The following DGKQ variants were observed in gnomAD, a reference collection of about 807,000 sequenced individuals.
DGKQ encodes diacylglycerol kinase theta, also known as DAG kinase theta.
DGKQ carries 97 observed loss-of-function variants against 104.2 expected under a neutral mutation model. The observed-to-expected ratio is 0.93, with a 90% CI of 0.79 to 1.10. DGKQ has a LOEUF of 1.10. Ranked by LOEUF, DGKQ falls within the 50% of genes least tolerant of loss-of-function variation. The probability of loss-of-function intolerance (pLI) is 0.00; values close to 1 mark genes in which losing one functional copy is unlikely to be tolerated. For missense variants in DGKQ, 1,465 were observed against 1,352.1 expected, an observed-to-expected ratio of 1.08 and a Z score of -1.31; for synonymous variants, 736 against 595.2, an observed-to-expected ratio of 1.24 and a Z score of -3.44.
At chr4:967,382 G>A (rs1712472522) in intron 8 of DGKQ, 21 bp from the exon 9 acceptor site, 13 of 1,516,344 alleles carry the variant, frequency 8.6e-6, no homozygotes, top group African/African-American at 6.9e-5. Context: ...CCAGGTTAGA[G>A]GGGCCAAGTT....
At chr4:970,693 C>T (rs1228024896) in intron 2 of DGKQ, among the ~76,000 whole-genome samples, 4 of 152,306 alleles carry the variant, frequency 2.6e-5, no homozygotes, top group Non-Finnish European at 2.9e-5. Flanking sequence ...GTCACAGCCA[C>T]GCCCACTTCT....
At chr4:968,777 A>C (rs893170442) in intron 3 of DGKQ, 34 bp downstream of exon 3, 2 of 1,572,084 alleles carry the variant, frequency 1.3e-6, no homozygotes, top group Non-Finnish European at 1.7e-6. Flanking sequence ...AGAGACCAGG[A>C]CACTGGGTGG....
chr4:967,266 A>C lies in DGKQ; in HGVS notation c.1083T>G (p.Ala361=). The change falls in exon 9 of 23, where the codon GCT becomes GCG. Residue 361 remains alanine (A), a synonymous_variant. Transcript: ENST00000273814. The part of the protein sequence containing the change: ...PPSSQACDAW[A]GGKAGSAVIS... ...TCACAGCACTCCCAGCCTTGCCCCC[A>C]GCCCAGGCGTCACAGGCCTGAGAGG... is the stretch of plus-strand genomic sequence containing the variant. 1.9e-6 allele frequency: 3 copies of C among 1,554,356 alleles called. No individual in the cohort carries two copies. Among genetic ancestry groups the C allele is most frequent in the South Asian group, 2.3e-5 (2 of 85,126 alleles).
At chr4:967,079 A>C in intron 9 of DGKQ, 25 bp from the exon 10 acceptor site, 1 of 1,543,440 alleles carries the variant, frequency 6.5e-7, no homozygotes, top group Non-Finnish European at 8.8e-7. Flanking sequence ...TCTGAGCTGG[A>C]GCTCCCCCCA....
In DGKQ at chr4:968,825, G is replaced by A. The variant is rs151196064; in HGVS notation, c.437C>T (p.Ala146Val). ...GCTCCAGGTACCTTCGCAGTGGAGC[G>A]CCGGTGCCTCCAGGACCTTGCGGCA... The part of the protein sequence containing the change: ...AVCRKVLEAP[A>V]LHCEVCELHL... The change falls in exon 3 of 23, where the codon GCG becomes GTG. Residue 146 changes from alanine (A) to valine (V), a missense_variant. Ala to Val is a moderately conservative substitution (Grantham distance 64). Transcript: ENST00000273814. 111 of 1,610,556 alleles carry A rather than the reference G, an allele frequency of 6.9e-5. No homozygotes were observed. Among genetic ancestry groups the A allele is most frequent in the Middle Eastern group, 1.7e-4 (1 of 5,786 alleles).
chr4:963,312 T>C, intron 15 of DGKQ, 22 bp from the exon 16 acceptor site: 3 of 1,587,960 alleles, frequency 1.9e-6, no homozygotes, highest in African/African-American at 1.3e-5. Flanking sequence ...GGGGCTGGGT[T>C]AGGATGGGGA....
chr4:969,739 A>G (rs1342296802), intron 2 of DGKQ, among the ~76,000 whole-genome samples: 1 of 151,346 alleles, frequency 6.6e-6, no homozygotes, highest in Non-Finnish European at 1.5e-5. Context: ...CCTCCCGAGT[A>G]GCTGGGACTA....
Position 973,541 on chromosome 4 carries a change from C to T in DGKQ, c.-59G>A. 1 of 984,200 alleles carries T rather than the reference C, an allele frequency of 1.0e-6. No homozygotes were observed. Among genetic ancestry groups the T allele is most frequent in the Non-Finnish European group, 1.2e-6 (1 of 829,028 alleles). The allele number at this position is 984,200 out of a possible 1,614,324, so 61.0% of individuals were successfully genotyped here. A position where few individuals can be genotyped will look rare whatever the true frequency, so the allele number is the denominator to read the frequency against. On this transcript the variant is annotated 5_prime_UTR_variant, in exon 1 of 23. Transcript: ENST00000273814. ...CGCGCCGGGGGTACAGGAGCCGCCG[C>T]TCCACGGCCCGGTACACTGCTTCCG...
At chr4:963,726 C>T (rs1712069916) in intron 15 of DGKQ, among the ~76,000 whole-genome samples, 1 of 151,934 alleles carries the variant, frequency 6.6e-6, no homozygotes, top group Non-Finnish European at 1.5e-5. Flanking sequence ...CAGGCCACCG[C>T]CCACCTACAC....
At chr4:964,650 T>C (rs1014952879) in intron 15 of DGKQ, among the ~76,000 whole-genome samples, 2 of 152,144 alleles carry the variant, frequency 1.3e-5, no homozygotes, top group Non-Finnish European at 2.9e-5. Context: ...GTTCAAAGTT[T>C]GGGAGCTGCA....
chr4:971,536 C>G lies in DGKQ; in HGVS notation c.272-464G>C, dbSNP rs1182161094. Among the ~76,000 whole-genome samples the G allele has an allele frequency of 6.6e-6, 1 of 152,148 alleles. No homozygotes were observed. Among genetic ancestry groups the G allele is most frequent in the African/African-American group, 2.4e-5 (1 of 41,434 alleles). Reference sequence around the variant, plus strand: ...ACGTGCTGTGCACCGTGCCTGAGACCGAGAGCCACCCAAGGCAGGTGAGGG... The same window carrying G: ...ACGTGCTGTGCACCGTGCCTGAGACGGAGAGCCACCCAAGGCAGGTGAGGG... On this transcript the variant is annotated intron_variant, in intron 1 of 22. Coordinates refer to ENST00000273814, the MANE Select transcript of DGKQ (RefSeq NM_001347.4). The surrounding 1 kb of genome is among the most constrained non-coding windows in gnomAD (Gnocchi z 4.0).
Position 960,910 on chromosome 4 carries a change from C to G in DGKQ, c.2727+139G>C, listed in dbSNP as rs1022148034. The stretch of plus-strand genomic sequence containing the variant: ...GCCTGGCCACTGGCACAGCCCTCCT[C>G]TGAAGCAGGCACCCTCCCGGAGTCA... On this transcript the variant is annotated intron_variant, in intron 22 of 22. Coordinates refer to ENST00000273814, the MANE Select transcript of DGKQ (RefSeq NM_001347.4). 16 of 1,495,510 alleles carry G rather than the reference C, an allele frequency of 1.1e-5. No individual in the cohort carries two copies. The African/African-American group carries it at 1.7e-4, about 16-fold the overall frequency. The allele number at this position is 1,495,510 out of a possible 1,614,324, so 92.6% of individuals were successfully genotyped here.
At chr4:969,177 A>AC (rs1165011777) in intron 2 of DGKQ, among the ~76,000 whole-genome samples, 1 of 149,558 alleles carries the variant, frequency 6.7e-6, no homozygotes, top group Non-Finnish European at 1.5e-5. Flanking sequence ...GAACAACCAC[A>AC]CCCCCGGGTC....
chr4:971,477 C>T lies in DGKQ; in HGVS notation c.272-405G>A, dbSNP rs1348882553. On this transcript the variant is annotated intron_variant, in intron 1 of 22. Coordinates refer to ENST00000273814, the MANE Select transcript of DGKQ (RefSeq NM_001347.4). This position sits in a 1 kb window ranked among gnomAD's most constrained non-coding sequence, Gnocchi z 4.0. ...ACCAAGGACATCTGTGTCTCACTCC[C>T]CCGAAACTACGCATACCCCTAATTG... Among the ~76,000 whole-genome samples the T allele has an allele frequency of 2.0e-5, 3 of 152,208 alleles. No homozygotes were observed. Among genetic ancestry groups the T allele is most frequent in the African/African-American group, 4.8e-5 (2 of 41,444 alleles).
Position 962,935 on chromosome 4 carries a change from G to T in DGKQ, c.1887-15C>A. On this transcript the variant is annotated splice_polypyrimidine_tract_variant and intron_variant, in intron 16 of 22. Coordinates refer to ENST00000273814, the MANE Select transcript of DGKQ (RefSeq NM_001347.4). ...ACAGGTGGAGCCTAGCGGGAGACAG[G>T]AAGTGTCCTCTACCAGCTGCGGGCG... 1 of 1,603,018 alleles carries T rather than the reference G, an allele frequency of 6.2e-7. No homozygotes were observed. Among genetic ancestry groups the T allele is most frequent in the East Asian group, 2.3e-5 (1 of 44,264 alleles).
rs1183992677 is a variant in DGKQ, at chr4:973,192, C to T, written c.271+20G>A. On this transcript the variant is annotated intron_variant, in intron 1 of 22. Coordinates refer to ENST00000273814, the MANE Select transcript of DGKQ (RefSeq NM_001347.4). Reference sequence around the variant, plus strand: ...AGAGGCAGGGCTGCAGCCGGGTAGGCATCGGGCCCGGGCGCTCACCGTCGC... The same window carrying T: ...AGAGGCAGGGCTGCAGCCGGGTAGGTATCGGGCCCGGGCGCTCACCGTCGC... 1 of 1,532,738 alleles carries T rather than the reference C, an allele frequency of 6.5e-7. No individual in the cohort carries two copies. The highest frequency in any genetic ancestry group is 1.4e-5 in the African/African-American group (1 of 69,504). The allele number at this position is 1,532,738 out of a possible 1,614,324, so 94.9% of individuals were successfully genotyped here. A position where few individuals can be genotyped will look rare whatever the true frequency, so the allele number is the denominator to read the frequency against.
intron 15 of DGKQ, among the ~76,000 whole-genome samples, 175 bp downstream of exon 15, chr4:964,999 CTT>C (rs1712189332): frequency 1.3e-5 from 2 of 152,182 alleles, no homozygotes; most frequent in Admixed American, 1.3e-4. Flanking sequence ...CAACAGAGTC[CTT>C]CCTGCTGTTG....
chr4:960,437 G>T lies in DGKQ; in HGVS notation c.*183C>A. On this transcript the variant is annotated 3_prime_UTR_variant, in exon 23 of 23. Transcript: ENST00000273814. Reference sequence around the variant, plus strand: ...GGGATGAGGGCTGTGACACCAACATGTGTCACCAATGGGATGAGGGCGGGT... The same window carrying T: ...GGGATGAGGGCTGTGACACCAACATTTGTCACCAATGGGATGAGGGCGGGT... The T allele has an allele frequency of 1.6e-6, 1 of 606,906 alleles. No homozygotes were observed. The highest frequency in any genetic ancestry group is 2.9e-6 in the Non-Finnish European group (1 of 339,858). The allele number at this position is 606,906 out of a possible 1,614,324, so 37.6% of individuals were successfully genotyped here. A position where few individuals can be genotyped will look rare whatever the true frequency, so the allele number is the denominator to read the frequency against.
chr4:967,537 C>A lies in DGKQ; in HGVS notation c.987+12G>T, dbSNP rs374850356. 7.5e-6 allele frequency: 12 copies of A among 1,610,710 alleles called. No individual in the cohort carries two copies. In the Admixed American group the frequency reaches 2.0e-4, roughly 27 times the overall value. On this transcript the variant is annotated intron_variant, in intron 8 of 22. Coordinates refer to ENST00000273814, the MANE Select transcript of DGKQ (RefSeq NM_001347.4). Reference sequence around the variant, plus strand: ...GGGAGGGGGCTCAGACCTCCCCCAGCCTCCCCCTTACCAGCACCTCCTCGG... The same window carrying A: ...GGGAGGGGGCTCAGACCTCCCCCAGACTCCCCCTTACCAGCACCTCCTCGG...
Sources: allele counts gnomAD v4.1 joint callset (sites outside exome capture counted in the v4.1 genomes callset), GRCh38; gene constraint gnomAD v4.1.1; non-coding constraint Gnocchi (gnomAD v3.1); transcripts MANE v1.5; gene names NCBI Gene and HGNC (gene_info 2026-07-23, HGNC 2026-07-21).